Variants in SETD1B observed in about 807,000 individuals in gnomAD.
SETD1B encodes the protein histone-lysine N-methyltransferase SETD1B.
In SETD1B, 7 loss-of-function variants were observed where a neutral mutation model predicts 148.0. That is an observed-to-expected ratio of 0.05 (90% CI 0.03 to 0.09). SETD1B has a LOEUF of 0.09. Ranked by LOEUF, SETD1B falls within the 10% of genes least tolerant of loss-of-function variation. The pLI is 1.00. For synonymous variants in SETD1B, 1,361 were observed against 1,186.5 expected (o/e 1.15, Z -3.02); for missense variants, 2,155 against 2,729.9 (o/e 0.79, Z 4.69).
chr12:121,814,020 A>G (rs1876160550), intron 6 of SETD1B, 86 bp from the exon 7 acceptor site: 2 of 1,112,570 alleles, frequency 1.8e-6, no homozygotes, highest in South Asian at 1.5e-5. Context: ...TGGGAGTGCC[A>G]CTGATTGCTA....
Position 121,805,293 on chromosome 12 carries a change from C to T in SETD1B, c.273+77C>T. ...GAAAATAACGCCAGTCCTGACCGAG[C>T]CCAGCCGGATTCCCAGTTCCCGCCG... On this transcript the variant is annotated intron_variant, in intron 3 of 16. Transcript: ENST00000604567. This position sits in a 1 kb window ranked among gnomAD's most constrained non-coding sequence, Gnocchi z 4.2. 1.6e-6 allele frequency: 2 copies of T among 1,252,620 alleles called. No individual in the cohort carries two copies. Among genetic ancestry groups the T allele is most frequent in the South Asian group, 1.3e-5 (1 of 75,698 alleles). The allele number at this position is 1,252,620 out of a possible 1,614,324, so 77.6% of individuals were successfully genotyped here. A position where few individuals can be genotyped will look rare whatever the true frequency, so the allele number is the denominator to read the frequency against.
chr12:121,814,049 C>G lies in SETD1B; in HGVS notation c.1891-57C>G, dbSNP rs551288840. The G allele has an allele frequency of 2.1e-6, 3 of 1,413,212 alleles. No homozygotes were observed. In the Middle Eastern group the frequency reaches 5.5e-4, roughly 258 times the overall value. 87.5% of individuals were successfully genotyped at this position (1,413,212 alleles called of 1,614,324 possible). On this transcript the variant is annotated intron_variant, in intron 6 of 16. Coordinates refer to ENST00000604567, the MANE Select transcript of SETD1B (RefSeq NM_001353345.2). ...ATTGCTAGTCTTGCAGAGGGGACTC[C>G]GAGAGCCCCTTGGCCTTCCAGACTC...
chr12:121,809,926 T>A lies in SETD1B; in HGVS notation c.981T>A (p.His327Gln), dbSNP rs758899968. Residue 327 changes from histidine to glutamine, a missense_variant, in exon 6 of 17, where the codon CAT becomes CAA. His to Gln is a conservative substitution (Grantham distance 24, BLOSUM62 0). This residue lies in a region of SETD1B where 376 missense variants were observed against 385.0 expected (regional missense o/e 0.98). Coordinates refer to ENST00000604567, the MANE Select transcript of SETD1B (RefSeq NM_001353345.2). ...ACGCCTACAACCGCCGCCACGAACA[T>A]CATTATGTACACAATTCTCCCGCGG... ...FTDAYNRRHE[H>Q]HYVHNSPAVT... 1 of 1,550,964 alleles carries A rather than the reference T, an allele frequency of 6.4e-7. No homozygotes were observed. The highest frequency in any genetic ancestry group is 1.2e-5 in the South Asian group (1 of 84,032).
At position 121,817,752 on chromosome 12, in the gene SETD1B, G is replaced by A. The variant is rs1234347520; in HGVS notation, c.3313-47G>A. ...TCAGGGGGCCGGGCCAGGCGACGAG[G>A]GCCAGACCCTTCGGCTCACCTGTCC... On this transcript the variant is annotated intron_variant, in intron 9 of 16. Transcript: ENST00000604567. This position sits in a 1 kb window ranked among gnomAD's most constrained non-coding sequence, Gnocchi z 8.1. The A allele has an allele frequency of 3.2e-6, 5 of 1,541,232 alleles. No individual in the cohort carries two copies. Among genetic ancestry groups the A allele is most frequent in the Non-Finnish European group, 4.4e-6 (5 of 1,140,160 alleles).
In SETD1B at chr12:121,832,088, C is replaced by T. The variant is rs1013761954; in HGVS notation, c.*1849C>T. The T allele has an allele frequency of 6.6e-6, 1 of 152,104 alleles. No individual in the cohort carries two copies. The highest frequency in any genetic ancestry group is 1.5e-5 in the Non-Finnish European group (1 of 68,016). The allele number at this position is 152,104 out of a possible 1,614,324, so 9.4% of individuals were successfully genotyped here. ...AATTTATTTTTCACATGAGGAAATG[C>T]GTAGCTTGTAGAGACGGCTGATTCA... On this transcript the variant is annotated 3_prime_UTR_variant, in exon 17 of 17. Transcript: ENST00000604567.
In SETD1B at chr12:121,828,087, G is replaced by T; in HGVS notation, c.5727+17G>T. ...AGCTGCAACGTGAGTGCCCAGCGGG[G>T]GGTGGCCCCTGCCCCTGCTCCTGCC... is the stretch of plus-strand genomic sequence containing the variant. On this transcript the variant is annotated intron_variant, in intron 16 of 16. Transcript: ENST00000604567. 1 of 1,551,262 alleles carries T rather than the reference G, an allele frequency of 6.4e-7. No individual in the cohort carries two copies. Among genetic ancestry groups the T allele is most frequent in the Non-Finnish European group, 8.7e-7 (1 of 1,146,862 alleles).
chr12:121,798,770 T>C, the SETD1B span, among the ~76,000 whole-genome samples: 26 of 152,056 alleles, frequency 1.7e-4, no homozygotes, highest in Non-Finnish European at 3.2e-4. Flanking sequence ...AAATGGTTCA[T>C]CAAAGCAATC....
In SETD1B at chr12:121,824,029, AAC is replaced by A. The variant is rs375005716; in HGVS notation, c.5170+282_5170+283del. Among the ~76,000 whole-genome samples, 63 of 152,370 alleles carry A rather than the reference AAC, an allele frequency of 4.1e-4. 1 individual carries two copies. The South Asian group carries it at 0.011, about 28-fold the overall frequency. On this transcript the variant is annotated intron_variant, in intron 12 of 16. Transcript: ENST00000604567. The stretch of plus-strand genomic sequence containing the variant: ...ATGTAACAGCAGTGCCGTGCAGCTT[AAC>A]AGCACACACGGGCGCAGGGCCTCCT...
In SETD1B at chr12:121,822,478, A is replaced by G; in HGVS notation, c.3911-12A>G. The G allele has an allele frequency of 6.6e-7, 1 of 1,524,608 alleles. No individual in the cohort carries two copies. Among genetic ancestry groups the G allele is most frequent in the Non-Finnish European group, 8.8e-7 (1 of 1,129,954 alleles). 94.4% of individuals were successfully genotyped at this position (1,524,608 alleles called of 1,614,324 possible). A position where few individuals can be genotyped will look rare whatever the true frequency, so the allele number is the denominator to read the frequency against. On this transcript the variant is annotated splice_polypyrimidine_tract_variant and intron_variant, in intron 11 of 16. Coordinates refer to ENST00000604567, the MANE Select transcript of SETD1B (RefSeq NM_001353345.2). ...AATAGTAAATGTCTCGTGTTCGCTC[A>G]CCTCTCTGCAGAACATGACCTGGAA...
chr12:121,810,699 A>G lies in SETD1B; in HGVS notation c.1754A>G (p.Glu585Gly). The change falls in exon 6 of 17, where the codon GAG becomes GGG. Residue 585 changes from glutamate to glycine, a missense_variant. By Grantham distance (98) the Glu-to-Gly change is moderately conservative. Transcript: ENST00000604567. This position sits in a 1 kb window ranked among gnomAD's most constrained non-coding sequence, Gnocchi z 7.6. Reference sequence around the variant, plus strand: ...CTCCCAGACTCCGACGAGGACGAGGAGCTCGACCTGGGCCTTGGGCCTCGG... The same window carrying G: ...CTCCCAGACTCCGACGAGGACGAGGGGCTCGACCTGGGCCTTGGGCCTCGG... ...TPLPDSDEDE[E>G]LDLGLGPRPP... 6.4e-7 allele frequency: 1 copy of G among 1,551,136 alleles called. No homozygotes were observed. Among genetic ancestry groups the G allele is most frequent in the Non-Finnish European group, 8.7e-7 (1 of 1,146,942 alleles).
At position 121,814,533 on chromosome 12, in the gene SETD1B, T is replaced by C; in HGVS notation, c.2318T>C (p.Met773Thr). 6.7e-7 allele frequency: 1 copy of C among 1,483,198 alleles called. No homozygotes were observed. The highest frequency in any genetic ancestry group is 9.0e-7 in the Non-Finnish European group (1 of 1,111,292). 91.9% of individuals were successfully genotyped at this position (1,483,198 alleles called of 1,614,324 possible). Residue 773 changes from methionine (M) to threonine (T), a missense_variant, in exon 7 of 17, where the codon ATG (methionine) becomes ACG (threonine). Met to Thr is a moderately conservative substitution (Grantham distance 81). Coordinates refer to ENST00000604567, the MANE Select transcript of SETD1B (RefSeq NM_001353345.2). Reference sequence around the variant, plus strand: ...GGTGGCCAGTGGGGCGGCATGCCCATGTCCTTCCAGATGCAAACGCAGGTG... The same window carrying C: ...GGTGGCCAGTGGGGCGGCATGCCCACGTCCTTCCAGATGCAAACGCAGGTG... ...VLGGQWGGMP[M>T]SFQMQTQVLS...
In SETD1B at chr12:121,830,405, T is replaced by G; in HGVS notation, c.*166T>G. 4.9e-6 allele frequency: 3 copies of G among 609,964 alleles called. No homozygotes were observed. Among genetic ancestry groups the G allele is most frequent in the Non-Finnish European group, 8.4e-6 (3 of 357,876 alleles). 37.8% of individuals were successfully genotyped at this position (609,964 alleles called of 1,614,324 possible). The stretch of plus-strand genomic sequence containing the variant: ...GCCCCACACTACCCCCTGGAGCCCC[T>G]GGCTCCGGCCCCTCCGCGGGAAAGG... On this transcript the variant is annotated 3_prime_UTR_variant, in exon 17 of 17. Transcript: ENST00000604567. This position sits in a 1 kb window ranked among gnomAD's most constrained non-coding sequence, Gnocchi z 5.7.
At position 121,817,239 on chromosome 12, in the gene SETD1B, A is replaced by C. The variant is rs1218520210; in HGVS notation, c.2922A>C (p.Ser974=). 6 of 1,551,040 alleles carry C rather than the reference A, an allele frequency of 3.9e-6. No individual in the cohort carries two copies. In the South Asian group the frequency reaches 7.1e-5, roughly 18 times the overall value. Reference sequence around the variant, plus strand: ...GGAAGGAGCCACCAGACACCACCTCATCTGGCGACCAGAAGCGGCTGCGGC... The same window carrying C: ...GGAAGGAGCCACCAGACACCACCTCCTCTGGCGACCAGAAGCGGCTGCGGC... ...VKRKEPPDTT[S]SGDQKRLRPS... Residue 974 remains serine, a synonymous_variant, in exon 8 of 17, where the codon TCA becomes TCC. Transcript: ENST00000604567. The surrounding 1 kb of genome is among the most constrained non-coding windows in gnomAD (Gnocchi z 8.1).
chr12:121,828,218 C>T (rs1279686464), intron 16 of SETD1B, 148 bp downstream of exon 16: 2 of 1,022,986 alleles, frequency 2.0e-6, no homozygotes, highest in Admixed American at 2.7e-5. Context: ...GAGAGGAGGA[C>T]ATGTGAGGTC....
At chr12:121,791,486 C>T in the SETD1B span, among the ~76,000 whole-genome samples, 2 of 152,174 alleles carry the variant, frequency 1.3e-5, no homozygotes, top group African/African-American at 2.4e-5. Flanking sequence ...AAGAGGATGG[C>T]AGGAACAGGA....
Position 121,822,903 on chromosome 12 carries a change from C to A in SETD1B, c.4324C>A (p.Pro1442Thr). ...ACCCACCTTCTCCGAGCCCAGCGGG[C>A]CCTTGCTCCTGCCCGTCTGCCCACT... ...FTPTFSEPSG[P>T]LLLPVCPLPT... The change falls in exon 12 of 17, where the codon CCC becomes ACC. Residue 1442 changes from proline (P) to threonine (T), a missense_variant. Physicochemically the swap from Pro to Thr is conservative, Grantham distance 38. Around this residue, in one of 11 missense-constraint regions of SETD1B, gnomAD observed 862 missense variants for 873.8 expected, o/e 0.99. Coordinates refer to ENST00000604567, the MANE Select transcript of SETD1B (RefSeq NM_001353345.2). 1.3e-6 allele frequency: 2 copies of A among 1,502,412 alleles called. No individual in the cohort carries two copies. The highest frequency in any genetic ancestry group is 1.3e-5 in the South Asian group (1 of 77,322). 93.1% of individuals were successfully genotyped at this position (1,502,412 alleles called of 1,614,324 possible).
the SETD1B span, among the ~76,000 whole-genome samples, chr12:121,792,572 T>TAA: frequency 6.6e-6 from 1 of 152,214 alleles, no homozygotes. Flanking sequence ...AGCACAGAAG[T>TAA]AATTGTAGCC....
rs1877110798 is a variant in SETD1B, at chr12:121,831,861, T to C, written c.*1622T>C. 6.6e-6 allele frequency: 1 copy of C among 151,716 alleles called. No individual in the cohort carries two copies. Among genetic ancestry groups the C allele is most frequent in the Non-Finnish European group, 1.5e-5 (1 of 67,960 alleles). The allele number at this position is 151,716 out of a possible 1,614,324, so 9.4% of individuals were successfully genotyped here. The stretch of plus-strand genomic sequence containing the variant: ...ACAAAGAATTGTTATTTTTCTCTTT[T>C]TTGTTGTTGGTGGTTTTGTTGTGTG... On this transcript the variant is annotated 3_prime_UTR_variant, in exon 17 of 17. Transcript: ENST00000604567.
chr12:121,814,925 G>C lies in SETD1B; in HGVS notation c.2710G>C (p.Ala904Pro). 1 of 1,544,138 alleles carries C rather than the reference G, an allele frequency of 6.5e-7. No homozygotes were observed. Among genetic ancestry groups the C allele is most frequent in the South Asian group, 1.2e-5 (1 of 83,688 alleles). Residue 904 changes from alanine to proline, a missense_variant, in exon 7 of 17, where the codon GCC becomes CCC. Physicochemically the swap from Ala to Pro is conservative, Grantham distance 27. This residue lies in a region of SETD1B where 289 missense variants were observed against 423.7 expected (regional missense o/e 0.68). Transcript: ENST00000604567. The part of the protein sequence containing the change: ...DEWWDKKERM[A>P]KASLTPVKSG... Reference sequence around the variant, plus strand: ...GTGGTGGGACAAGAAGGAGCGGATGGCCAAGGTGGGTGGGTGGGTGCAGGG... The same window carrying C: ...GTGGTGGGACAAGAAGGAGCGGATGCCCAAGGTGGGTGGGTGGGTGCAGGG...
Sources: allele counts gnomAD v4.1 joint callset (sites outside exome capture counted in the v4.1 genomes callset), GRCh38; gene constraint gnomAD v4.1.1; regional missense constraint gnomAD v4.1.1; non-coding constraint Gnocchi (gnomAD v3.1); transcripts MANE v1.5; gene names NCBI Gene and HGNC (gene_info 2026-07-23, HGNC 2026-07-21).